Variants in C12orf42 observed in about 807,000 individuals in gnomAD.
C12orf42 encodes chromosome 12 open reading frame 42, also known as uncharacterized protein C12orf42.
Under a neutral mutation model 21.6 loss-of-function variants are expected in C12orf42, and 25 were observed. The ratio of observed to expected loss-of-function variants is 1.16; its 90% CI spans 0.84 to 1.62. C12orf42 has a LOEUF of 1.62. C12orf42 is among the 40% of genes most tolerant of loss of function. The pLI is 0.00. For synonymous variants in C12orf42, 174 were observed against 175.0 expected, an observed-to-expected ratio of 0.99 and a Z score of 0.05; for missense variants, 483 against 459.3, an observed-to-expected ratio of 1.05 and a Z score of -0.47.
intron 4 of C12orf42, among the ~76,000 whole-genome samples, chr12:103,329,822 T>C (rs1017892960): frequency 5.3e-5 from 8 of 151,916 alleles, no homozygotes; most frequent in African/African-American, 1.9e-4. Flanking sequence ...CCCTTTCTAT[T>C]GCTACAAATA....
chr12:103,198,447 C>T, the C12orf42 span, among the ~76,000 whole-genome samples: 2 of 152,166 alleles, frequency 1.3e-5, no homozygotes, highest in Non-Finnish European at 2.9e-5. Context: ...CAAGACCACC[C>T]TACTTGTCCA....
chr12:103,166,467 A>T, the C12orf42 span, among the ~76,000 whole-genome samples: 2 of 152,212 alleles, frequency 1.3e-5, no homozygotes, highest in Non-Finnish European at 2.9e-5. Context: ...TTAATGATGT[A>T]GGTATTGTTA....
the C12orf42 span, among the ~76,000 whole-genome samples, chr12:103,083,062 A>T: frequency 1.3e-5 from 2 of 152,144 alleles, no homozygotes; most frequent in Non-Finnish European, 2.9e-5. Context: ...GCAAGTGCAG[A>T]CCTTAAAGTA....
chr12:103,498,078 A>G (rs1327056600), upstream of C12orf42, among the ~76,000 whole-genome samples: 1 of 152,196 alleles, frequency 6.6e-6, no homozygotes, highest in Non-Finnish European at 1.5e-5. Context: ...CATTTATTGA[A>G]CATCTAATCA....
At chr12:103,206,521 T>TACAC in the C12orf42 span, among the ~76,000 whole-genome samples, 11,939 of 148,648 alleles carry the variant, frequency 0.08, 504 homozygotes, top group East Asian at 0.19. Context: ...TTTTCTATAT[T>TACAC]ACACACACAC....
At chr12:103,171,384 A>G in the C12orf42 span, among the ~76,000 whole-genome samples, 1 of 152,158 alleles carries the variant, frequency 6.6e-6, no homozygotes, top group Non-Finnish European at 1.5e-5. Flanking sequence ...TTTGTTGAAT[A>G]AAAGACTGGA....
At chr12:103,201,759 A>G in the C12orf42 span, among the ~76,000 whole-genome samples, 165 of 152,202 alleles carry the variant, frequency 1.1e-3, 3 homozygotes, top group East Asian at 0.029. Context: ...CCACCACTGC[A>G]CTGTATGTTT....
intron 3 of C12orf42, among the ~76,000 whole-genome samples, chr12:103,382,339 T>A (rs1328360907): frequency 6.6e-6 from 1 of 152,200 alleles, no homozygotes; most frequent in Non-Finnish European, 1.5e-5. Flanking sequence ...AGAACCATGT[T>A]AGATTATTAG....
intron 2 of C12orf42, among the ~76,000 whole-genome samples, chr12:103,458,431 C>A (rs1269589571): frequency 1.3e-5 from 2 of 152,130 alleles, no homozygotes; most frequent in African/African-American, 4.8e-5. Context: ...ATAGGCGAAA[C>A]TAGATCAAAT....
the C12orf42 span, among the ~76,000 whole-genome samples, chr12:103,151,030 C>A: frequency 5.3e-5 from 8 of 152,244 alleles, no homozygotes; most frequent in East Asian, 1.2e-3. Flanking sequence ...CAGGTTCAAG[C>A]GATTCTCCTG....
intron 2 of C12orf42, among the ~76,000 whole-genome samples, chr12:103,459,458 A>G (rs1201210195): frequency 6.6e-6 from 1 of 150,980 alleles, no homozygotes; most frequent in East Asian, 2.0e-4. Flanking sequence ...AGTGTGTGGC[A>G]CCTCCCCCTG....
intron 2 of C12orf42, among the ~76,000 whole-genome samples, chr12:103,439,720 A>G (rs1951047512): frequency 6.6e-6 from 1 of 152,070 alleles, no homozygotes; most frequent in Admixed American, 6.5e-5. Flanking sequence ...ACCATCTCAC[A>G]CCAGTTAGAG....
intron 4 of C12orf42, among the ~76,000 whole-genome samples, chr12:103,359,903 C>A (rs1214507103): frequency 6.6e-6 from 1 of 151,618 alleles, no homozygotes. Flanking sequence ...CCTTCCCCAA[C>A]TTGACCTTCT....
At chr12:103,108,128 T>C in the C12orf42 span, among the ~76,000 whole-genome samples, 1 of 151,198 alleles carries the variant, frequency 6.6e-6, no homozygotes, top group African/African-American at 2.4e-5. Context: ...TAAATAATAA[T>C]AATTTTTTAA....
the C12orf42 span, among the ~76,000 whole-genome samples, chr12:103,554,344 T>C: frequency 1.4e-4 from 22 of 152,302 alleles, no homozygotes; most frequent in African/African-American, 4.8e-4. Context: ...ATCCAGCTTG[T>C]AGCCCAAGAG....
chr12:103,418,832 A>ATTT (rs71438496), intron 2 of C12orf42, among the ~76,000 whole-genome samples: 12,720 of 143,674 alleles, frequency 0.089, 673 homozygotes, highest in South Asian at 0.16. Context: ...ATTCCGTTAA[A>ATTT]TTTTTTTTTT....
chr12:103,062,760 T>C, the C12orf42 span, among the ~76,000 whole-genome samples: 5 of 152,252 alleles, frequency 3.3e-5, no homozygotes, highest in Non-Finnish European at 7.3e-5. Flanking sequence ...TGCAGCATTC[T>C]TTAAATCTGC....
At chr12:103,562,065 G>T in the C12orf42 span, among the ~76,000 whole-genome samples, 1 of 152,174 alleles carries the variant, frequency 6.6e-6, no homozygotes, top group Non-Finnish European at 1.5e-5. Flanking sequence ...TCTGCTGCAG[G>T]AGGATTTCTG....
intron 2 of C12orf42, among the ~76,000 whole-genome samples, chr12:103,410,432 C>T (rs117968180): frequency 0.015 from 2,288 of 152,236 alleles, 25 homozygotes; most frequent in Non-Finnish European, 0.024. Flanking sequence ...TATGCTTTCT[C>T]CTATAGAATT....
Sources: allele counts gnomAD v4.1 joint callset (sites outside exome capture counted in the v4.1 genomes callset), GRCh38; gene constraint gnomAD v4.1.1; transcripts MANE v1.5; gene names NCBI Gene and HGNC (gene_info 2026-07-23, HGNC 2026-07-21).